SCD5: variants seen among roughly 807,000 people sequenced by gnomAD.
SCD5 encodes the protein acyl-CoA-desaturase 4.
SCD5 carries 20 observed loss-of-function variants against 30.4 expected under a neutral mutation model. The observed-to-expected ratio is 0.66, with a 90% confidence interval of 0.46 to 0.96. The LOEUF (loss-of-function observed/expected upper bound fraction) is 0.96, where lower values mean the gene tolerates loss of function less well. Among genes scored for constraint, SCD5 ranks in the 40% least tolerant of loss-of-function variants. The pLI is 0.00. For missense variants in SCD5, 381 were observed against 443.3 expected (o/e 0.86, Z 1.26); for synonymous variants, 173 against 176.4 (o/e 0.98, Z 0.16).
rs150857771 is a variant in SCD5 at position 82,698,773 on chromosome 4, C to T, written c.363+6510G>A. Among the ~76,000 whole-genome samples the T allele has an allele frequency of 2.0e-5, 3 of 152,338 alleles. No homozygotes were observed. In the East Asian group the frequency reaches 5.8e-4, roughly 29 times the overall value. On this transcript the variant is annotated intron_variant, in intron 2 of 4. Transcript: ENST00000319540. ...CTTCAGGTCTCAGCACTAATGCCAC[C>T]TCCTCAGCAAGGTCTTCTCTGACCA...
chr4:82,737,792 A>G (rs1262130708), intron 1 of SCD5, among the ~76,000 whole-genome samples: 3 of 152,218 alleles, frequency 2.0e-5, no homozygotes, highest in Non-Finnish European at 2.9e-5. Context: ...CCACTGGATC[A>G]AACTCTGAAA....
At chr4:82,728,005 C>T (rs116590375) in intron 1 of SCD5, among the ~76,000 whole-genome samples, 2,629 of 152,132 alleles carry the variant, frequency 0.017, 55 homozygotes, top group African/African-American at 0.05. Flanking sequence ...CACCATGCCC[C>T]ACCTCTAGTC....
chr4:82,655,251 C>T (rs1326557264), intron 3 of SCD5, among the ~76,000 whole-genome samples: 1 of 152,160 alleles, frequency 6.6e-6, no homozygotes, highest in African/African-American at 2.4e-5. Flanking sequence ...CTTCCATACC[C>T]CTCATTATGG....
In SCD5 at chr4:82,636,599, C is replaced by T. The variant is rs1727435623; in HGVS notation, c.794G>A (p.Gly265Asp). ...TCAACACCCCTACTCACCAATGGCA[C>T]CCAGAGCGACGAGTGGGTTCTGCCG... ...SPRQNPLVAL[G>D]AIGEGFHNYH... The change falls in exon 4 of 5, where the codon GGT becomes GAT. Residue 265 changes from glycine to aspartate, a missense_variant. Gly to Asp is a moderately conservative substitution (Grantham distance 94, BLOSUM62 -1). Transcript: ENST00000319540. The T allele has an allele frequency of 7.4e-6, 12 of 1,613,438 alleles. No individual in the cohort carries two copies. Among genetic ancestry groups the T allele is most frequent in the Non-Finnish European group, 1.0e-5 (12 of 1,179,698 alleles).
intron 2 of SCD5, among the ~76,000 whole-genome samples, chr4:82,700,702 G>A (rs1719810251): frequency 6.6e-6 from 1 of 150,634 alleles, no homozygotes; most frequent in South Asian, 2.1e-4. Flanking sequence ...TGGGAGGGGC[G>A]CTTAAGCCCA....
intron 1 of SCD5, among the ~76,000 whole-genome samples, chr4:82,751,334 T>C (rs890307606): frequency 6.6e-6 from 1 of 152,140 alleles, no homozygotes; most frequent in Non-Finnish European, 1.5e-5. Context: ...TAGCTAGGAC[T>C]ACAGGCATGC....
intron 1 of SCD5, among the ~76,000 whole-genome samples, chr4:82,754,947 C>G (rs1721201863): frequency 6.6e-6 from 1 of 152,122 alleles, no homozygotes; most frequent in Non-Finnish European, 1.5e-5. Context: ...AACAAGACAC[C>G]AAGCCCACCA....
At chr4:82,714,277 G>C (rs1280839633) in intron 1 of SCD5, among the ~76,000 whole-genome samples, 1 of 152,024 alleles carries the variant, frequency 6.6e-6, no homozygotes, top group Non-Finnish European at 1.5e-5. Context: ...CTAATCACTG[G>C]TTGCAGTTCT....
chr4:82,748,322 CACAG>C (rs1721036429), intron 1 of SCD5, among the ~76,000 whole-genome samples: 1 of 151,726 alleles, frequency 6.6e-6, no homozygotes, highest in Non-Finnish European at 1.5e-5. Context: ...TTTGAGCAAG[CACAG>C]GGCACGGGGG....
At chr4:82,664,999 C>CTCTCTATATATATATATA (rs1219554314) in intron 3 of SCD5, among the ~76,000 whole-genome samples, 13 of 70,488 alleles carry the variant, frequency 1.8e-4, no homozygotes, top group South Asian at 7.3e-4. Flanking sequence ...CTCTCTCTCT[C>CTCTCTATATATATATATA]TATATATATA....
At chr4:82,666,385 G>C (rs558100518) in intron 3 of SCD5, among the ~76,000 whole-genome samples, 5 of 152,090 alleles carry the variant, frequency 3.3e-5, no homozygotes, top group East Asian at 3.8e-4. Context: ...GCGTGGTGGC[G>C]GGCGCCTGTA....
At chr4:82,644,901 A>G (rs1430017603) in intron 3 of SCD5, among the ~76,000 whole-genome samples, 1 of 152,240 alleles carries the variant, frequency 6.6e-6, no homozygotes, top group Non-Finnish European at 1.5e-5. Flanking sequence ...GACAATATTT[A>G]AGATTAACAA....
At chr4:82,793,788 T>C (rs574393265) in intron 1 of SCD5, among the ~76,000 whole-genome samples, 1 of 152,302 alleles carries the variant, frequency 6.6e-6, no homozygotes, top group South Asian at 2.1e-4. Context: ...TGTAAATTTG[T>C]CCAAGGCCAT....
intron 1 of SCD5, among the ~76,000 whole-genome samples, chr4:82,781,245 T>C (rs1159086003): frequency 6.6e-6 from 1 of 151,988 alleles, no homozygotes; most frequent in Non-Finnish European, 1.5e-5. Context: ...TGAAACCCTA[T>C]CTCTACTAAA....
chr4:82,737,533 G>A (rs528529291), intron 1 of SCD5, among the ~76,000 whole-genome samples: 3 of 152,230 alleles, frequency 2.0e-5, no homozygotes, highest in Middle Eastern at 3.4e-3. Flanking sequence ...CCATTTTCTG[G>A]TGGCTGCACA....
intron 1 of SCD5, among the ~76,000 whole-genome samples, chr4:82,796,804 C>T (rs28410161): frequency 6.6e-6 from 1 of 152,010 alleles, no homozygotes; most frequent in Non-Finnish European, 1.5e-5. Context: ...TTGGCAGTGT[C>T]GGAGTGTGTT....
intron 1 of SCD5, among the ~76,000 whole-genome samples, chr4:82,741,864 A>AGGGGGGGGGGGGGGGGGGGGGGGGGGGG (rs1560549987): frequency 1.1e-5 from 1 of 87,954 alleles, no homozygotes; most frequent in Admixed American, 1.2e-4. Context: ...GGGGGGGGGG[A>AGGGGGGGGGGGGGGGGGGGGGGGGGGGG]GTGGGCAGAT....
intron 1 of SCD5, among the ~76,000 whole-genome samples, chr4:82,751,774 G>A (rs752751485): frequency 2.0e-5 from 3 of 152,118 alleles, no homozygotes; most frequent in Non-Finnish European, 4.4e-5. Context: ...TTACAGGCAC[G>A]CGCCACTACG....
At chr4:82,762,683 G>A (rs1159632065) in intron 1 of SCD5, among the ~76,000 whole-genome samples, 1 of 152,232 alleles carries the variant, frequency 6.6e-6, no homozygotes, top group Non-Finnish European at 1.5e-5. Context: ...GCGAGCTGGT[G>A]GGTTTGAGGA....
Sources: allele counts gnomAD v4.1 joint callset (sites outside exome capture counted in the v4.1 genomes callset), GRCh38; gene constraint gnomAD v4.1.1; transcripts MANE v1.5; gene names NCBI Gene and HGNC (gene_info 2026-07-23, HGNC 2026-07-21).